ARHGEF38: variants seen among roughly 807,000 people sequenced by gnomAD.
ARHGEF38 encodes the protein Rho guanine nucleotide exchange factor 38, also known as Rho guanine nucleotide exchange factor (GEF) 38.
In ARHGEF38, 79 loss-of-function variants were observed where a neutral mutation model predicts 79.9. The ratio of observed to expected loss-of-function variants is 0.99; its 90% CI spans 0.82 to 1.19. ARHGEF38 has a LOEUF of 1.19. ARHGEF38 is among the 50% of genes most tolerant of loss of function. ARHGEF38 has a pLI of 0.00. For missense variants in ARHGEF38, 962 were observed against 907.2 expected, an observed-to-expected ratio of 1.06 and a Z score of -0.78; for synonymous variants, 366 against 328.3, an observed-to-expected ratio of 1.11 and a Z score of -1.24.
chr4:105,615,577 G>A (rs913361526), intron 3 of ARHGEF38, among the ~76,000 whole-genome samples: 1 of 152,296 alleles, frequency 6.6e-6, no homozygotes, highest in South Asian at 2.1e-4. Context: ...TGATTTTAGT[G>A]TATTACGTAA....
intron 1 of ARHGEF38, among the ~76,000 whole-genome samples, chr4:105,586,479 C>G (rs1727054805): frequency 6.6e-6 from 1 of 152,066 alleles, no homozygotes; most frequent in African/African-American, 2.4e-5. Context: ...ATTGGAAAAC[C>G]TAAGCATTTT....
At chr4:105,589,017 C>T (rs1339759747) in intron 1 of ARHGEF38, among the ~76,000 whole-genome samples, 1 of 152,176 alleles carries the variant, frequency 6.6e-6, no homozygotes, top group Non-Finnish European at 1.5e-5. Flanking sequence ...TTTAAAGAAG[C>T]CACGATAATT....
rs1277604610 is a variant in ARHGEF38 at position 105,552,973 on chromosome 4, G to T, written c.196+12G>T. The T allele has an allele frequency of 6.3e-7, 1 of 1,596,048 alleles. No homozygotes were observed. The highest frequency in any genetic ancestry group is 1.8e-5 in the Admixed American group (1 of 57,052). On this transcript the variant is annotated intron_variant, in intron 1 of 13. Transcript: ENST00000420470. ...CCAGAAATTACAAGGTAACCAAAAA[G>T]AAATCAATTGTCCCAGTTACTGCAC...
intron 3 of ARHGEF38, among the ~76,000 whole-genome samples, chr4:105,616,080 A>T (rs1728497709): frequency 6.6e-6 from 1 of 152,198 alleles, no homozygotes; most frequent in South Asian, 2.1e-4. Flanking sequence ...TTTACAGAAT[A>T]GATGTAAATA....
chr4:105,673,521 GCTATATAC>G, intron 13 of ARHGEF38, among the ~76,000 whole-genome samples: 1 of 152,234 alleles, frequency 6.6e-6, no homozygotes, highest in East Asian at 1.9e-4. Context: ...TGATGATGAT[GCTATATAC>G]CTACTGTGTC....
At position 105,679,835 on chromosome 4, in the gene ARHGEF38, T is replaced by C; in HGVS notation, c.*1898T>C. ...GAGATGGATATAGGACTCAATATCCTGAGGAGGAGAACTTTGAATCACCAG... is the reference window on the plus strand; with the variant it reads ...GAGATGGATATAGGACTCAATATCCCGAGGAGGAGAACTTTGAATCACCAG... On this transcript the variant is annotated 3_prime_UTR_variant, in exon 14 of 14. Coordinates refer to ENST00000420470, the MANE Select transcript of ARHGEF38 (RefSeq NM_001242729.2). The C allele has an allele frequency of 2.2e-6, 3 of 1,356,760 alleles. No individual in the cohort carries two copies. The South Asian group carries it at 3.5e-5, about 16-fold the overall frequency. The allele number at this position is 1,356,760 out of a possible 1,614,324, so 84.0% of individuals were successfully genotyped here.
intron 9 of ARHGEF38, among the ~76,000 whole-genome samples, chr4:105,656,647 T>C (rs776993212): frequency 5.9e-5 from 9 of 152,328 alleles, no homozygotes; most frequent in Admixed American, 1.3e-4. Context: ...ATAGAGAAGA[T>C]AGACTGATCA....
chr4:105,668,949 G>T (rs1015855133), intron 13 of ARHGEF38, among the ~76,000 whole-genome samples: 1 of 152,148 alleles, frequency 6.6e-6, no homozygotes, highest in Non-Finnish European at 1.5e-5. Context: ...GAGAGGCTGG[G>T]GTGGGAGAAT....
At chr4:105,565,588 C>T (rs1725849046) in intron 1 of ARHGEF38, among the ~76,000 whole-genome samples, 2 of 152,052 alleles carry the variant, frequency 1.3e-5, no homozygotes, top group African/African-American at 2.4e-5. Context: ...TTGCACTATA[C>T]GGGTAGAAAG....
At position 105,561,540 on chromosome 4, in the gene ARHGEF38, GA is replaced by G. The variant is rs539635957; in HGVS notation, c.196+8583del. The stretch of plus-strand genomic sequence containing the variant: ...GAATAGAATAGAATAGAATAGAATA[GA>G]AAAGTTTCTTTCCCCAGATCTCTGC... On this transcript the variant is annotated intron_variant, in intron 1 of 13. Coordinates refer to ENST00000420470, the MANE Select transcript of ARHGEF38 (RefSeq NM_001242729.2). 4.8e-4 allele frequency: 73 copies of G among 150,956 alleles called. 1 individual carries two copies. Among genetic ancestry groups the G allele is most frequent in the African/African-American group, 1.7e-3 (68 of 41,010 alleles). 9.4% of individuals were successfully genotyped at this position (150,956 alleles called of 1,614,324 possible). A position where few individuals can be genotyped will look rare whatever the true frequency, so the allele number is the denominator to read the frequency against.
intron 1 of ARHGEF38, among the ~76,000 whole-genome samples, chr4:105,566,547 T>A (rs1311138598): frequency 6.6e-6 from 1 of 152,240 alleles, no homozygotes; most frequent in East Asian, 1.9e-4. Flanking sequence ...CAAGCATTTA[T>A]CCTTTGTGTT....
chr4:105,649,114 T>C (rs1729983581), intron 7 of ARHGEF38, among the ~76,000 whole-genome samples: 2 of 152,162 alleles, frequency 1.3e-5, no homozygotes, highest in Admixed American at 6.6e-5. Context: ...TTTCTCTTTA[T>C]TTCATCTTTA....
At chr4:105,612,836 G>A (rs1394274016) in intron 2 of ARHGEF38, among the ~76,000 whole-genome samples, 3 of 151,774 alleles carry the variant, frequency 2.0e-5, no homozygotes, top group Non-Finnish European at 4.4e-5. Context: ...GGTTGTTAAG[G>A]GTGTGCATGA....
intron 1 of ARHGEF38, chr4:105,561,449 G>GGAATGGAATGGAATGGAATAGAATA (rs1725566310): frequency 6.6e-5 from 3 of 45,616 alleles, no homozygotes; most frequent in Admixed American, 2.5e-4. Flanking sequence ...AGAATAGAAT[G>GGAATGGAATGGAATGGAATAGAATA]GAATAGAATA....
chr4:105,589,537 C>A, intron 2 of ARHGEF38, 102 bp downstream of exon 2: 11 of 1,047,704 alleles, frequency 1.0e-5, no homozygotes, highest in Non-Finnish European at 1.5e-5. Context: ...GATGATGTGC[C>A]TTTCTCCCCA....
chr4:105,618,602 C>G lies in ARHGEF38; in HGVS notation c.508+5095C>G, dbSNP rs573622356. On this transcript the variant is annotated intron_variant, in intron 3 of 13. Coordinates refer to ENST00000420470, the MANE Select transcript of ARHGEF38 (RefSeq NM_001242729.2). Reference sequence around the variant, plus strand: ...TGCCACTGCACTCCAGCCTGGGTGACAGAGCGAGACTCCATCTCAAAAAAA... The same window carrying G: ...TGCCACTGCACTCCAGCCTGGGTGAGAGAGCGAGACTCCATCTCAAAAAAA... 5.9e-3 allele frequency among the ~76,000 whole-genome samples: 898 copies of G among 152,202 alleles called. 11 individuals carry two copies. Among genetic ancestry groups the G allele is most frequent in the African/African-American group, 0.021 (869 of 41,520 alleles).
chr4:105,558,921 G>A (rs1725383766), intron 1 of ARHGEF38, among the ~76,000 whole-genome samples: 1 of 151,224 alleles, frequency 6.6e-6, no homozygotes, highest in Non-Finnish European at 1.5e-5. Flanking sequence ...GGGAGAGACA[G>A]ACAGAAACCA....
intron 13 of ARHGEF38, among the ~76,000 whole-genome samples, chr4:105,672,660 C>A (rs886820226): frequency 6.6e-6 from 1 of 152,160 alleles, no homozygotes; most frequent in Non-Finnish European, 1.5e-5. Flanking sequence ...TTCTCAGGGG[C>A]TGTTGTCAGG....
intron 1 of ARHGEF38, among the ~76,000 whole-genome samples, chr4:105,583,238 T>C (rs1726879852): frequency 6.6e-6 from 1 of 152,256 alleles, no homozygotes; most frequent in Non-Finnish European, 1.5e-5. Context: ...TTTTAACATA[T>C]ATCCTTAATT....
Sources: allele counts gnomAD v4.1 joint callset (sites outside exome capture counted in the v4.1 genomes callset), GRCh38; gene constraint gnomAD v4.1.1; transcripts MANE v1.5; gene names NCBI Gene and HGNC (gene_info 2026-07-23, HGNC 2026-07-21).